The following IGSF22 variants were observed in gnomAD, a reference collection of about 807,000 sequenced individuals.
IGSF22 encodes immunoglobulin superfamily member 22, also known as immunoglobulin superfamily, member 22.
In IGSF22, 119 loss-of-function variants were observed where a neutral mutation model predicts 127.0. That is an observed-to-expected ratio of 0.94 (90% CI 0.81 to 1.09). The LOEUF (loss-of-function observed/expected upper bound fraction) is 1.09. Among genes scored for constraint, IGSF22 ranks in the 50% least tolerant of loss-of-function variants. IGSF22 has a pLI of 0.00. For missense variants in IGSF22, 1,518 were observed against 1,716.6 expected (o/e 0.88, Z 2.04); for synonymous variants, 568 against 664.7 (o/e 0.85, Z 2.24).
intron 22 of IGSF22, among the ~76,000 whole-genome samples, chr11:18,705,035 G>A (rs1848195921): frequency 6.6e-6 from 1 of 151,982 alleles, no homozygotes; most frequent in Non-Finnish European, 1.5e-5. Flanking sequence ...ACAGGACAAG[G>A]TCCTTTCCCC....
At position 18,714,637 on chromosome 11, in the gene IGSF22, G is replaced by GA. The variant is rs1393496718; in HGVS notation, c.1532-14_1532-13insT. Reference sequence around the variant, plus strand: ...GTGGCCAGACGCTCTGGGGAGAAAGGTGGGCAAGGGACTGGCTCAGGATGT... The same window carrying GA: ...GTGGCCAGACGCTCTGGGGAGAAAGGATGGGCAAGGGACTGGCTCAGGATGT... On this transcript the variant is annotated splice_polypyrimidine_tract_variant and intron_variant, in intron 11 of 22. Transcript: ENST00000513874. 3 of 1,613,370 alleles carry GA rather than the reference G, an allele frequency of 1.9e-6. No individual in the cohort carries two copies. The highest frequency in any genetic ancestry group is 2.5e-6 in the Non-Finnish European group (3 of 1,180,030).
At position 18,723,123 on chromosome 11, in the gene IGSF22, T is replaced by A. The variant is rs143236786; in HGVS notation, c.109+1005A>T. 7.7e-4 allele frequency among the ~76,000 whole-genome samples: 118 copies of A among 152,318 alleles called. 1 individual carries two copies. The highest frequency in any genetic ancestry group is 3.4e-3 in the Middle Eastern group (1 of 294). On this transcript the variant is annotated intron_variant, in intron 2 of 22. Coordinates refer to ENST00000513874, the MANE Select transcript of IGSF22 (RefSeq NM_173588.4). ...AGTTTACCCCAGTCTTTTCCCCACA[T>A]TTATGTTCCCTGCCTGGGCCCTGTT... is the stretch of plus-strand genomic sequence containing the variant.
rs1376959008 is a variant in IGSF22, at chr11:18,712,270, A to G, written c.2210T>C (p.Ile737Thr). 2.6e-6 allele frequency: 4 copies of G among 1,551,666 alleles called. No homozygotes were observed. Among genetic ancestry groups the G allele is most frequent in the Non-Finnish European group, 3.5e-6 (4 of 1,146,978 alleles). The change falls in exon 15 of 23, where the codon ATA (isoleucine) becomes ACA (threonine). Residue 737 changes from isoleucine to threonine, a missense_variant. Coordinates refer to ENST00000513874, the MANE Select transcript of IGSF22 (RefSeq NM_173588.4). ...CTTGCCAACTGCCCTCCGTTCCACT[A>G]TGAACTGTGTCACAGGTCGTCCACC... ...DNGGRPVTQF[I>T]VERRAVGKKS... is the part of the protein sequence containing the mutation.
Position 18,712,138 on chromosome 11 carries a change from G to T in IGSF22, c.2342C>A (p.Ser781Ter), listed in dbSNP as rs371119169. 21 of 1,551,608 alleles carry T rather than the reference G, an allele frequency of 1.4e-5. No homozygotes were observed. The African/African-American group carries it at 2.6e-4, about 19-fold the overall frequency. Residue 781 changes from serine (S) to a stop codon, truncating the protein, a stop_gained, in exon 15 of 23, where the codon TCA becomes TAA. Coordinates refer to ENST00000513874, the MANE Select transcript of IGSF22 (RefSeq NM_173588.4). LOFTEE classifies it high-confidence loss of function. ...AYQFRILAVN[S>*]EGVSDPLETE... ...CTCCAGTGGGTCACTCACACCTTCTGAATTGACTGCCAGGATACGGAACTG... is the reference window on the plus strand; with the variant it reads ...CTCCAGTGGGTCACTCACACCTTCTTAATTGACTGCCAGGATACGGAACTG...
intron 9 of IGSF22, among the ~76,000 whole-genome samples, 199 bp downstream of exon 9, chr11:18,717,732 C>G (rs1011957577): frequency 6.6e-6 from 1 of 152,122 alleles, no homozygotes; most frequent in Non-Finnish European, 1.5e-5. Context: ...TGCTACACAG[C>G]CCCAAGGCAC....
chr11:18,722,148 A>C, intron 2 of IGSF22, 107 bp from the exon 3 acceptor site: 1 of 1,371,718 alleles, frequency 7.3e-7, no homozygotes, highest in Non-Finnish European at 1.0e-6. Flanking sequence ...AACAAAGAGC[A>C]TTTAGGGAAG....
At chr11:18,704,642 G>C (rs1243735556) in intron 22 of IGSF22, 104 bp from the exon 23 acceptor site, 4 of 747,916 alleles carry the variant, frequency 5.3e-6, no homozygotes, top group Admixed American at 2.2e-5. Flanking sequence ...TGGACCCTGG[G>C]ACCCTTAATC....
chr11:18,707,161 T>G lies in IGSF22; in HGVS notation c.3333A>C (p.Thr1111=). Residue 1111 remains threonine, a synonymous_variant, in exon 21 of 23, where the codon ACA becomes ACC. Coordinates refer to ENST00000513874, the MANE Select transcript of IGSF22 (RefSeq NM_173588.4). ...GGCTGTGGTTCCAGGTCAGAGTCAC[T>G]GTGTTGGGGACTTCCTCAAACAACC... ...NLRLFEEVPN[T]VTLTWNHSPD... 3 of 1,550,162 alleles carry G rather than the reference T, an allele frequency of 1.9e-6. No homozygotes were observed. Among genetic ancestry groups the G allele is most frequent in the Non-Finnish European group, 2.6e-6 (3 of 1,146,144 alleles).
intron 21 of IGSF22, 55 bp from the exon 22 acceptor site, chr11:18,706,201 A>C: frequency 6.8e-7 from 1 of 1,460,052 alleles, no homozygotes; most frequent in Non-Finnish European, 9.1e-7. Flanking sequence ...CCCACCCACC[A>C]CCCACGTCTT....
At chr11:18,717,132 G>A in intron 9 of IGSF22, 132 bp from the exon 10 acceptor site, 1 of 944,762 alleles carries the variant, frequency 1.1e-6, no homozygotes, top group Middle Eastern at 2.7e-4. Context: ...CTTTGGTTTT[G>A]TTTTCGAGCC....
In IGSF22 at chr11:18,721,591, TG is replaced by T. The variant is rs750065284; in HGVS notation, c.321del (p.Ile108SerfsTer18). ...HISWKRESGI[P>X]IKESAKIFYD... The stretch of plus-strand genomic sequence containing the variant: ...TAGAATATCTTGGCGGACTCCTTGA[TG>T]GGGATGCCGCTCTCCCTCTTCCAGG... On this transcript the variant is annotated frameshift_variant, in exon 4 of 23. Transcript: ENST00000513874. LOFTEE classifies it high-confidence loss of function. The T allele has an allele frequency of 6.2e-7, 1 of 1,614,222 alleles. No individual in the cohort carries two copies. Among genetic ancestry groups the T allele is most frequent in the South Asian group, 1.1e-5 (1 of 91,092 alleles).
intron 21 of IGSF22, chr11:18,706,435 C>T (rs1172807166): frequency 4.0e-6 from 2 of 494,400 alleles, no homozygotes; most frequent in African/African-American, 1.9e-5. Flanking sequence ...TTCCTGGACC[C>T]GGTTATTCCC....
rs1292809862 is a variant in IGSF22 at position 18,715,561 on chromosome 11, G to C, written c.1402C>G (p.His468Asp). 54 of 1,613,914 alleles carry C rather than the reference G, an allele frequency of 3.3e-5. No individual in the cohort carries two copies. Among genetic ancestry groups the C allele is most frequent in the Non-Finnish European group, 4.4e-5 (52 of 1,180,006 alleles). Residue 468 changes from histidine (H) to aspartate (D), a missense_variant, in exon 11 of 23, where the codon CAT becomes GAT. This residue lies in a region of IGSF22 where 1,456 missense variants were observed against 1,644.9 expected (regional missense o/e 0.89). Coordinates refer to ENST00000513874, the MANE Select transcript of IGSF22 (RefSeq NM_173588.4). ...ATCAGCTCTGCTCGCTTGCCCTCAT[G>C]GTTCATGCTGTACTTAGTGCCATGC... ...LMHGTKYSMN[H>D]EGKRAELIIE...
At chr11:18,713,452 T>G (rs936632228) in intron 14 of IGSF22, among the ~76,000 whole-genome samples, 3 of 152,242 alleles carry the variant, frequency 2.0e-5, no homozygotes, top group African/African-American at 7.2e-5. Context: ...AGGTGAGCTA[T>G]AGCCACCGTG....
At position 18,706,989 on chromosome 11, in the gene IGSF22, C is replaced by T; in HGVS notation, c.3505G>A (p.Val1169Met). Residue 1169 changes from valine (V) to methionine (M), a missense_variant, in exon 21 of 23, where the codon GTG (valine) becomes ATG (methionine). Physicochemically the swap from Val to Met is conservative, Grantham distance 21. Around this residue, in one of 3 missense-constraint regions of IGSF22, gnomAD observed 1,456 missense variants for 1,644.9 expected, o/e 0.89. Transcript: ENST00000513874. ...LLPGRKYYFR[V>M]VARNEIGDSE... ...TCACCGATTTCATTCCGAGCCACCACTCTGAAGTAGTACTTCCTGCCTGGG... is the reference window on the plus strand; with the variant it reads ...TCACCGATTTCATTCCGAGCCACCATTCTGAAGTAGTACTTCCTGCCTGGG... 6.5e-7 allele frequency: 1 copy of T among 1,550,062 alleles called. No homozygotes were observed. The highest frequency in any genetic ancestry group is 1.4e-5 in the African/African-American group (1 of 73,164).
chr11:18,719,059 T>C (rs971037098), intron 7 of IGSF22, among the ~76,000 whole-genome samples: 2 of 151,798 alleles, frequency 1.3e-5, no homozygotes, highest in Non-Finnish European at 2.9e-5. Flanking sequence ...AAGAAGGAAG[T>C]ATAATTTTCA....
chr11:18,717,180 G>A (rs1848478916), intron 9 of IGSF22, among the ~76,000 whole-genome samples, 180 bp from the exon 10 acceptor site: 1 of 152,162 alleles, frequency 6.6e-6, no homozygotes, highest in Admixed American at 6.5e-5. Flanking sequence ...TATTCATGTG[G>A]TCTTCTCCCC....
chr11:18,718,156 C>T (rs2063593570), intron 8 of IGSF22, 63 bp from the exon 9 acceptor site: 1 of 1,527,610 alleles, frequency 6.5e-7, no homozygotes, highest in South Asian at 1.2e-5. Context: ...CCAGAGGTCT[C>T]CATTCCCCAG....
At chr11:18,706,455 C>A in intron 21 of IGSF22, 1 of 456,434 alleles carries the variant, frequency 2.2e-6, no homozygotes, top group East Asian at 3.8e-5. Flanking sequence ...CAGCCTTTAA[C>A]TCCGCCTCCA....
Sources: gnomAD v4.1 joint callset for allele counts (sites outside exome capture counted in the v4.1 genomes callset) on GRCh38, gnomAD v4.1.1 for gene constraint, gnomAD v4.1.1 regional missense constraint, MANE v1.5 for transcripts, NCBI Gene and HGNC (gene_info 2026-07-23, HGNC 2026-07-21) for gene names.